Variants in TIMP2 observed in about 807,000 individuals in gnomAD.
TIMP2 encodes the protein metalloproteinase inhibitor 2.
A neutral mutation model predicts 24.3 loss-of-function variants in TIMP2; 5 were observed. The ratio of observed to expected loss-of-function variants is 0.21; its 90% CI spans 0.11 to 0.43. TIMP2 has a LOEUF of 0.43. TIMP2 is among the 20% of genes least tolerant of loss of function. TIMP2 has a pLI of 1.00. For missense variants in TIMP2, 221 were observed against 297.5 expected (o/e 0.74, Z 1.89); for synonymous variants, 130 against 123.2 (o/e 1.06, Z -0.37).
Position 78,866,987 on chromosome 17 carries a change from G to A in TIMP2, c.340+3911C>T, listed in dbSNP as rs147929015. Among the ~76,000 whole-genome samples the A allele has an allele frequency of 1.4e-3, 215 of 152,322 alleles. 1 individual carries two copies. The highest frequency in any genetic ancestry group is 4.6e-3 in the South Asian group (22 of 4,828). ...AAAACCACTGAATTGTAGGCCGGGC[G>A]CGGTGGCTCACGCCTGTAATCCCAG... On this transcript the variant is annotated intron_variant, in intron 3 of 4. Transcript: ENST00000262768.
chr17:78,879,435 G>A (rs963371018), intron 1 of TIMP2, among the ~76,000 whole-genome samples: 4 of 152,212 alleles, frequency 2.6e-5, no homozygotes, highest in African/African-American at 9.6e-5. Flanking sequence ...AGGAATCTGG[G>A]AAGAAATGAA....
intron 1 of TIMP2, among the ~76,000 whole-genome samples, chr17:78,894,924 G>C (rs2069975061): frequency 6.6e-6 from 1 of 152,166 alleles, no homozygotes; most frequent in Non-Finnish European, 1.5e-5. Context: ...CAGAAGACTT[G>C]AATCCAGAAC....
chr17:78,910,039 T>A (rs571167442), intron 1 of TIMP2, among the ~76,000 whole-genome samples: 1 of 152,334 alleles, frequency 6.6e-6, no homozygotes, highest in South Asian at 2.1e-4. Context: ...ATTTATGGCA[T>A]ATATAGTGAT....
At chr17:78,871,449 CAAA>C (rs749440079) in intron 2 of TIMP2, among the ~76,000 whole-genome samples, 18 of 122,542 alleles carry the variant, frequency 1.5e-4, no homozygotes, top group Admixed American at 2.8e-4. Context: ...AAGACTCCGT[CAAA>C]AAAAAAAAAA....
chr17:78,879,248 A>AG lies in TIMP2; in HGVS notation c.131-5330dup, dbSNP rs767379358. Among the ~76,000 whole-genome samples, 16 of 152,348 alleles carry AG rather than the reference A, an allele frequency of 1.1e-4. 3 individuals carry two copies. Among genetic ancestry groups the AG allele is most frequent in the East Asian group, 3.9e-4 (2 of 5,170 alleles). ...TCCAATGCCCAGTGGTGGACAGAGG[A>AG]GGAGGGAGAGAGAGCTCTCCGGAAT... is the stretch of plus-strand genomic sequence containing the variant. On this transcript the variant is annotated intron_variant, in intron 1 of 4. Coordinates refer to ENST00000262768, the MANE Select transcript of TIMP2 (RefSeq NM_003255.5).
At chr17:78,892,266 G>A (rs1568000454) in intron 1 of TIMP2, 1 of 1,550,836 alleles carries the variant, frequency 6.4e-7, no homozygotes, top group Middle Eastern at 1.7e-4. Flanking sequence ...AGCAATTTGT[G>A]CTTTTTCCTC....
intron 1 of TIMP2, among the ~76,000 whole-genome samples, chr17:78,906,271 G>A (rs1378644655): frequency 3.9e-5 from 6 of 152,172 alleles, no homozygotes; most frequent in Non-Finnish European, 7.3e-5. Flanking sequence ...AGGAGGCTGA[G>A]GCAGGAGGAT....
In TIMP2 at chr17:78,856,527, C is replaced by G. The variant is rs117062598; in HGVS notation, c.466-663G>C. ...CTCACCAGAGTCTCCTGGTCCCAGA[C>G]TCACTGGGAGTGACCCAGGGTGGGA... On this transcript the variant is annotated intron_variant, in intron 4 of 4. Coordinates refer to ENST00000262768, the MANE Select transcript of TIMP2 (RefSeq NM_003255.5). The G allele has an allele frequency of 2.1e-3, 324 of 153,538 alleles. 5 individuals carry two copies. In the East Asian group the frequency reaches 0.044, roughly 21 times the overall value. The allele number at this position is 153,538 out of a possible 1,614,324, so 9.5% of individuals were successfully genotyped here. A position where few individuals can be genotyped will look rare whatever the true frequency, so the allele number is the denominator to read the frequency against.
chr17:78,903,604 A>G (rs1444835089), intron 1 of TIMP2, among the ~76,000 whole-genome samples: 3 of 152,322 alleles, frequency 2.0e-5, no homozygotes, highest in Non-Finnish European at 4.4e-5. Flanking sequence ...ACAGCTCCAG[A>G]AAGCCATCGT....
At chr17:78,885,931 G>C (rs1044448208) in intron 1 of TIMP2, among the ~76,000 whole-genome samples, 5 of 152,144 alleles carry the variant, frequency 3.3e-5, no homozygotes, top group Admixed American at 2.0e-4. Flanking sequence ...GTGACCAAGG[G>C]GGGAGGGGAA....
intron 1 of TIMP2, among the ~76,000 whole-genome samples, chr17:78,885,339 CAGG>C (rs1266262911): frequency 1.8e-4 from 27 of 152,230 alleles, no homozygotes; most frequent in Non-Finnish European, 3.8e-4. Context: ...GTGTTCGGAG[CAGG>C]AGAACCGTGC....
At chr17:78,862,775 A>C (rs1567991653) in intron 3 of TIMP2, among the ~76,000 whole-genome samples, 1 of 152,166 alleles carries the variant, frequency 6.6e-6, no homozygotes, top group East Asian at 1.9e-4. Flanking sequence ...ATGTGTACCC[A>C]ATGTTTAGCT....
chr17:78,919,556 T>C (rs1055644840), intron 1 of TIMP2, among the ~76,000 whole-genome samples: 2 of 152,146 alleles, frequency 1.3e-5, no homozygotes, highest in Non-Finnish European at 2.9e-5. Context: ...GACCATCTGC[T>C]GGGTGCGGTG....
At position 78,890,203 on chromosome 17, in the gene TIMP2, CTT is replaced by C. The variant is rs879844069; in HGVS notation, c.131-16286_131-16285del. On this transcript the variant is annotated intron_variant, in intron 1 of 4. Coordinates refer to ENST00000262768, the MANE Select transcript of TIMP2 (RefSeq NM_003255.5). The stretch of plus-strand genomic sequence containing the variant: ...TGGAGGACGGTATAATGACAGATTG[CTT>C]TTTTTTTTTTTTTTTGAGACGAGTC... 3.7e-4 allele frequency among the ~76,000 whole-genome samples: 50 copies of C among 134,204 alleles called. 1 individual carries two copies. The East Asian group carries it at 7.0e-3, about 19-fold the overall frequency. 88.0% of individuals were successfully genotyped at this position (134,204 alleles called of 152,430 possible).
At position 78,854,921 on chromosome 17, in the gene TIMP2, C is replaced by CGGGGGGGGGGGTGGGGGGGG. The variant is rs2069511586; in HGVS notation, c.*745_*746insCCCCCCCCACCCCCCCCCCC. ...TCCTGCAAGCTGGGGAGCATGTGGGCGGGGGGGGGGGGGTGGGGGGGTGGG... is the reference window on the plus strand; with the variant it reads ...TCCTGCAAGCTGGGGAGCATGTGGGCGGGGGGGGGGGTGGGGGGGGGGGGGGGGGGGGGTGGGGGGGTGGG... On this transcript the variant is annotated 3_prime_UTR_variant, in exon 5 of 5. Coordinates refer to ENST00000262768, the MANE Select transcript of TIMP2 (RefSeq NM_003255.5). 4 of 39,090 alleles carry CGGGGGGGGGGGTGGGGGGGG rather than the reference C, an allele frequency of 1.0e-4. No individual in the cohort carries two copies. The highest frequency in any genetic ancestry group is 2.0e-4 in the African/African-American group (2 of 10,256). 2.4% of individuals were successfully genotyped at this position (39,090 alleles called of 1,614,324 possible). A position where few individuals can be genotyped will look rare whatever the true frequency, so the allele number is the denominator to read the frequency against.
At chr17:78,857,707 T>A (rs1209782094) in intron 3 of TIMP2, 61 bp from the exon 4 acceptor site, 2 of 1,607,854 alleles carry the variant, frequency 1.2e-6, no homozygotes, top group Admixed American at 1.7e-5. Context: ...CCTGCCCAGC[T>A]CCTCCACCCG....
chr17:78,859,821 G>A lies in TIMP2; in HGVS notation c.341-2175C>T, dbSNP rs35679117. Among the ~76,000 whole-genome samples the A allele has an allele frequency of 6.7e-3, 1,022 of 151,728 alleles. 6 individuals carry two copies. Among genetic ancestry groups the A allele is most frequent in the Non-Finnish European group, 0.01 (682 of 67,930 alleles). On this transcript the variant is annotated intron_variant, in intron 3 of 4. Transcript: ENST00000262768. ...AGTCTGGCCAACATGGTGAAACCCC[G>A]TCTCTACTACACATACAAAAATTAG...
chr17:78,918,200 A>G lies in TIMP2; in HGVS notation c.130+6759T>C, dbSNP rs137963828. Among the ~76,000 whole-genome samples the G allele has an allele frequency of 3.5e-4, 53 of 152,194 alleles. 2 individuals carry two copies. In the East Asian group the frequency reaches 9.9e-3, roughly 28 times the overall value. ...CTCTGGGTTAGGACCCCTCTTTTAT[A>G]AAGACTGTTCCTCAATTTGCTTCTT... On this transcript the variant is annotated intron_variant, in intron 1 of 4. Transcript: ENST00000262768.
Position 78,891,303 on chromosome 17 carries a change from G to C in TIMP2, c.131-17384C>G, listed in dbSNP as rs774601798. 3.2e-6 allele frequency: 5 copies of C among 1,550,518 alleles called. No homozygotes were observed. The South Asian group carries it at 3.6e-5, about 11-fold the overall frequency. ...GGGCTCCTGGGTTCCCCGGCAGGCA[G>C]CATCTCTGGGTCTGCCATTTTCTTC... On this transcript the variant is annotated intron_variant, in intron 1 of 4. Transcript: ENST00000262768. This position sits in a 1 kb window ranked among gnomAD's most constrained non-coding sequence, Gnocchi z 4.5.
Sources: gnomAD v4.1 joint callset for allele counts (sites outside exome capture counted in the v4.1 genomes callset) on GRCh38, gnomAD v4.1.1 for gene constraint, Gnocchi (gnomAD v3.1) non-coding constraint, MANE v1.5 for transcripts, NCBI Gene and HGNC (gene_info 2026-07-23, HGNC 2026-07-21) for gene names.